SLCO3A1: variants seen among roughly 807,000 people sequenced by gnomAD.
SLCO3A1 encodes the protein solute carrier organic anion transporter family member 3A1.
Under a neutral mutation model 63.1 loss-of-function variants are expected in SLCO3A1, and 27 were observed. That is an observed-to-expected ratio of 0.43 (90% CI 0.32 to 0.59). The LOEUF is 0.59. Among genes scored for constraint, SLCO3A1 ranks in the 20% least tolerant of loss-of-function variants. The pLI, the probability that SLCO3A1 is intolerant of heterozygous loss-of-function variation, is 0.09. For missense variants in SLCO3A1, 773 were observed against 945.8 expected (o/e 0.82, Z 2.40); for synonymous variants, 473 against 409.9 (o/e 1.15, Z -1.86).
intron 2 of SLCO3A1, among the ~76,000 whole-genome samples, chr15:92,084,877 T>C (rs992962440): frequency 6.6e-6 from 1 of 152,172 alleles, no homozygotes; most frequent in African/African-American, 2.4e-5. Context: ...TAGTATCTCT[T>C]CCAAGAGCAG....
intron 5 of SLCO3A1, among the ~76,000 whole-genome samples, chr15:92,122,535 C>T (rs11632973): frequency 0.53 from 81,170 of 152,020 alleles, 25,029 homozygotes; most frequent in Middle Eastern, 0.68. Flanking sequence ...CACTGGAACT[C>T]GCATACTTGG....
At chr15:92,122,402 A>G (rs942172016) in intron 5 of SLCO3A1, among the ~76,000 whole-genome samples, 1 of 152,272 alleles carries the variant, frequency 6.6e-6, no homozygotes, top group Non-Finnish European at 1.5e-5. Context: ...AAGATGGCCA[A>G]GAAACAAACA....
At position 92,150,980 on chromosome 15, in the gene SLCO3A1, T is replaced by C. The variant is rs770523864; in HGVS notation, c.1719T>C (p.Ala573=). Residue 573 remains alanine, a synonymous_variant, in exon 9 of 10, where the codon GCT becomes GCC. Coordinates refer to ENST00000318445, the MANE Select transcript of SLCO3A1 (RefSeq NM_013272.4). ...RTVSPELKSY[A]LGVLFLLLRL... is the part of the protein sequence containing the mutation. ...TCAGCCCTGAACTCAAGTCTTACGC[T>C]TTGGGAGTTCTTTTTCTCCTCCTTC... 1.2e-6 allele frequency: 2 copies of C among 1,613,470 alleles called. No individual in the cohort carries two copies. Among genetic ancestry groups the C allele is most frequent in the South Asian group, 2.2e-5 (2 of 90,920 alleles).
At chr15:92,147,982 C>T (rs970743173) in intron 8 of SLCO3A1, among the ~76,000 whole-genome samples, 1 of 152,026 alleles carries the variant, frequency 6.6e-6, no homozygotes, top group African/African-American at 2.4e-5. Context: ...TTTGGGAGGC[C>T]AAGGCTGGAG....
intron 1 of SLCO3A1, among the ~76,000 whole-genome samples, chr15:91,887,337 C>G (rs906566619): frequency 1.3e-5 from 2 of 152,140 alleles, no homozygotes; most frequent in African/African-American, 4.8e-5. Context: ...TGTCGAGACC[C>G]CTGCCTGCCC....
chr15:91,946,073 C>T (rs933705287), intron 2 of SLCO3A1, among the ~76,000 whole-genome samples: 2 of 152,214 alleles, frequency 1.3e-5, no homozygotes, highest in Non-Finnish European at 2.9e-5. Flanking sequence ...CAGGCATGAT[C>T]CTGCACTAGT....
At chr15:91,973,834 G>C (rs1468245509) in intron 2 of SLCO3A1, among the ~76,000 whole-genome samples, 1 of 152,180 alleles carries the variant, frequency 6.6e-6, no homozygotes, top group Non-Finnish European at 1.5e-5. Flanking sequence ...GGGAAAGCAG[G>C]CTCTCGAAGT....
At chr15:91,868,997 A>C (rs540303100) in intron 1 of SLCO3A1, among the ~76,000 whole-genome samples, 116 of 152,320 alleles carry the variant, frequency 7.6e-4, no homozygotes, top group Middle Eastern at 3.4e-3. Flanking sequence ...AAATGTTTTT[A>C]AAAATTCAAA....
chr15:92,116,673 C>A lies in SLCO3A1; in HGVS notation c.1010-3792C>A, dbSNP rs146320468. On this transcript the variant is annotated intron_variant, in intron 4 of 9. Coordinates refer to ENST00000318445, the MANE Select transcript of SLCO3A1 (RefSeq NM_013272.4). The stretch of plus-strand genomic sequence containing the variant: ...ATAGGCTTAACAATCTGTTTGAATG[C>A]AAAAGCTTGAAACACAGGGTTGGCC... Among the ~76,000 whole-genome samples the A allele has an allele frequency of 2.5e-3, 381 of 152,330 alleles. 4 individuals are homozygous for A. Among genetic ancestry groups the A allele is most frequent in the African/African-American group, 8.7e-3 (363 of 41,572 alleles).
rs1166891536 is a variant in SLCO3A1, at chr15:91,968,961, A to G, written c.646+52503A>G. ...CAGAGGTCCCTTCCTCTCAGAAGCC[A>G]TCTCTGCCTCCACCTACCTCCAACA... On this transcript the variant is annotated intron_variant, in intron 2 of 9. Transcript: ENST00000318445. The surrounding 1 kb of genome is among the most constrained non-coding windows in gnomAD (Gnocchi z 4.2). Among the ~76,000 whole-genome samples the G allele has an allele frequency of 6.6e-6, 1 of 152,164 alleles. No individual in the cohort carries two copies. Among genetic ancestry groups the G allele is most frequent in the Non-Finnish European group, 1.5e-5 (1 of 68,036 alleles).
chr15:91,943,929 T>C (rs1899711286), intron 2 of SLCO3A1, among the ~76,000 whole-genome samples: 2 of 152,188 alleles, frequency 1.3e-5, no homozygotes, highest in South Asian at 4.1e-4. Context: ...TTGTCTTGGG[T>C]GCCTTAGCAT....
rs147825578 is a variant in SLCO3A1, at chr15:91,929,220, A to T, written c.646+12762A>T. ...GTTTGCAGAAGAAGGTGGTTACACG[A>T]TGGATGGATTGGGAGTGGCAAAGGC... On this transcript the variant is annotated intron_variant, in intron 2 of 9. Coordinates refer to ENST00000318445, the MANE Select transcript of SLCO3A1 (RefSeq NM_013272.4). Among the ~76,000 whole-genome samples the T allele has an allele frequency of 1.8e-3, 275 of 152,298 alleles. 4 individuals are homozygous for T. Among genetic ancestry groups the T allele is most frequent in the Non-Finnish European group, 2.9e-3 (199 of 68,032 alleles).
At chr15:92,117,623 G>A (rs777285845) in intron 4 of SLCO3A1, among the ~76,000 whole-genome samples, 14 of 152,086 alleles carry the variant, frequency 9.2e-5, no homozygotes, top group Non-Finnish European at 1.8e-4. Flanking sequence ...ATAACCCGAC[G>A]TGATCCATAC....
intron 1 of SLCO3A1, among the ~76,000 whole-genome samples, chr15:91,905,007 A>G (rs1375006606): frequency 1.3e-5 from 2 of 152,224 alleles, no homozygotes; most frequent in Admixed American, 6.5e-5. Flanking sequence ...CTATGGAATT[A>G]CAAGTAGAAT....
chr15:92,094,865 C>A lies in SLCO3A1; in HGVS notation c.647-16C>A. ...CTTCTGTTTTGTAATCTATTTTTTT[C>A]TTCATCTTCCTTCAGGAATCCTGTT... On this transcript the variant is annotated splice_polypyrimidine_tract_variant and intron_variant, in intron 2 of 9. Coordinates refer to ENST00000318445, the MANE Select transcript of SLCO3A1 (RefSeq NM_013272.4). The A allele has an allele frequency of 6.4e-7, 1 of 1,572,034 alleles. No homozygotes were observed. The highest frequency in any genetic ancestry group is 1.1e-5 in the South Asian group (1 of 89,650).
At chr15:91,917,627 C>T (rs1331922027) in intron 2 of SLCO3A1, among the ~76,000 whole-genome samples, 1 of 152,064 alleles carries the variant, frequency 6.6e-6, no homozygotes, top group African/African-American at 2.4e-5. Context: ...CACCAGTGAG[C>T]CTAGTCACCA....
rs185916543 is a variant in SLCO3A1, at chr15:91,900,572, G to A, written c.181-15421G>A. Among the ~76,000 whole-genome samples, 112 of 152,186 alleles carry A rather than the reference G, an allele frequency of 7.4e-4. No homozygotes were observed. The highest frequency in any genetic ancestry group is 2.3e-3 in the African/African-American group (96 of 41,524). On this transcript the variant is annotated intron_variant, in intron 1 of 9. Transcript: ENST00000318445. The surrounding 1 kb of genome is among the most constrained non-coding windows in gnomAD (Gnocchi z 4.3). ...TCAAACTGCTGACCTCAGGTGATCC[G>A]CCCGCCTTGGCCTCCCAAAGTGCTG...
intron 2 of SLCO3A1, among the ~76,000 whole-genome samples, chr15:92,013,559 C>T (rs753256677): frequency 1.1e-4 from 17 of 152,130 alleles, no homozygotes; most frequent in Non-Finnish European, 2.2e-4. Context: ...CCCAGCCACC[C>T]GCCGAGTTAG....
Position 91,978,240 on chromosome 15 carries a change from A to G in SLCO3A1, c.646+61782A>G, listed in dbSNP as rs545100318. Among the ~76,000 whole-genome samples, 4 of 152,040 alleles carry G rather than the reference A, an allele frequency of 2.6e-5. No individual in the cohort carries two copies. The South Asian group carries it at 8.4e-4, about 32-fold the overall frequency. Reference sequence around the variant, plus strand: ...TGTAAATGATAGGCCATCCTGCGGTACCCTCCCTTCTCACTGCTGTTTAGG... The same window carrying G: ...TGTAAATGATAGGCCATCCTGCGGTGCCCTCCCTTCTCACTGCTGTTTAGG... On this transcript the variant is annotated intron_variant, in intron 2 of 9. Transcript: ENST00000318445.
Sources: allele counts gnomAD v4.1 joint callset (sites outside exome capture counted in the v4.1 genomes callset), GRCh38; gene constraint gnomAD v4.1.1; non-coding constraint Gnocchi (gnomAD v3.1); transcripts MANE v1.5; gene names NCBI Gene and HGNC (gene_info 2026-07-23, HGNC 2026-07-21).